The following UBE2V2 variants were observed in gnomAD, a reference collection of about 807,000 sequenced individuals.
UBE2V2 encodes the protein ubiquitin-conjugating enzyme E2 variant 2.
Under a neutral mutation model 17.2 loss-of-function variants are expected in UBE2V2, and 9 were observed. The ratio of observed to expected loss-of-function variants is 0.52; its 90% CI spans 0.32 to 0.91. The LOEUF (loss-of-function observed/expected upper bound fraction) is 0.91, where lower values mean the gene tolerates loss of function less well. UBE2V2 is among the 40% of genes least tolerant of loss of function. The pLI, the probability that UBE2V2 is intolerant of heterozygous loss-of-function variation, is 0.04. For synonymous variants in UBE2V2, 61 were observed against 57.5 expected (o/e 1.06, Z -0.28); for missense variants, 133 against 182.6 (o/e 0.73, Z 1.56).
At position 48,008,470 on chromosome 8, in the gene UBE2V2, G is replaced by C; in HGVS notation, c.16G>C (p.Gly6Arg). The C allele has an allele frequency of 1.3e-6, 2 of 1,568,634 alleles. No homozygotes were observed. Among genetic ancestry groups the C allele is most frequent in the Non-Finnish European group, 1.7e-6 (2 of 1,159,370 alleles). Reference sequence around the variant, plus strand: ...GCAGGAGAAGATGGCGGTCTCCACAGGTCGGTTCCCGGGCCGGGCTGCGTG... The same window carrying C: ...GCAGGAGAAGATGGCGGTCTCCACACGTCGGTTCCCGGGCCGGGCTGCGTG... The part of the protein sequence containing the change: MAVST[G>R]VKVPRNFRLL... Residue 6 changes from glycine to arginine, a missense_variant and splice_region_variant, in exon 1 of 4, where the codon GGA (glycine) becomes CGA (arginine). Coordinates refer to ENST00000523111, the MANE Select transcript of UBE2V2 (RefSeq NM_003350.3).
the UBE2V2 span, among the ~76,000 whole-genome samples, chr8:48,003,252 T>C: frequency 6.6e-6 from 1 of 150,808 alleles, no homozygotes; most frequent in Non-Finnish European, 1.5e-5. Context: ...AGTTCTCAGA[T>C]AACAGAATTG....
chr8:48,032,632 T>C (rs1273917993), intron 1 of UBE2V2, among the ~76,000 whole-genome samples: 7 of 152,086 alleles, frequency 4.6e-5, no homozygotes, highest in African/African-American at 7.2e-5. Flanking sequence ...GGTGCATGCC[T>C]GCAGTCCCAG....
intron 2 of UBE2V2, among the ~76,000 whole-genome samples, chr8:48,045,647 C>T (rs2091493828): frequency 6.6e-6 from 1 of 152,090 alleles, no homozygotes; most frequent in African/African-American, 2.4e-5. Flanking sequence ...ATGTCCTGAA[C>T]CTCATCAGAG....
chr8:48,031,330 A>C (rs1402487751), intron 1 of UBE2V2, among the ~76,000 whole-genome samples: 1 of 152,226 alleles, frequency 6.6e-6, no homozygotes, highest in Non-Finnish European at 1.5e-5. Context: ...TAAAACTACT[A>C]AAAGAATATT....
At position 48,026,726 on chromosome 8, in the gene UBE2V2, A is replaced by T. The variant is rs1280182838; in HGVS notation, c.17-16307A>T. On this transcript the variant is annotated intron_variant, in intron 1 of 3. Transcript: ENST00000523111. ...AGCGTAATGTTTTTAAGGGTCATCC[A>T]TGTTGTAGCATGTATCAGTATTTAC... Among the ~76,000 whole-genome samples, 3 of 152,158 alleles carry T rather than the reference A, an allele frequency of 2.0e-5. No individual in the cohort carries two copies. The South Asian group carries it at 6.2e-4, about 32-fold the overall frequency.
chr8:48,018,272 T>G (rs889978493), intron 1 of UBE2V2, among the ~76,000 whole-genome samples: 3 of 152,244 alleles, frequency 2.0e-5, no homozygotes, highest in Non-Finnish European at 4.4e-5. Flanking sequence ...AGAAGACATA[T>G]GATGTCAGTG....
chr8:48,031,432 A>G (rs142513106), intron 1 of UBE2V2, among the ~76,000 whole-genome samples: 8 of 152,268 alleles, frequency 5.3e-5, no homozygotes, highest in Middle Eastern at 3.4e-3. Flanking sequence ...TAGATTCTAA[A>G]TGAACTCTCC....
At chr8:48,037,792 A>G (rs925431503) in intron 1 of UBE2V2, among the ~76,000 whole-genome samples, 2 of 152,244 alleles carry the variant, frequency 1.3e-5, no homozygotes, top group African/African-American at 4.8e-5. Context: ...ACTTTGTCTC[A>G]GTTAACTGAG....
intron 1 of UBE2V2, among the ~76,000 whole-genome samples, chr8:48,011,492 T>C (rs2091231117): frequency 2.0e-5 from 3 of 152,210 alleles, no homozygotes; most frequent in Admixed American, 6.6e-5. Context: ...ACACGTGTTT[T>C]TTATTTAAGC....
chr8:48,047,745 A>G (rs1340863098), intron 2 of UBE2V2, among the ~76,000 whole-genome samples: 1 of 151,728 alleles, frequency 6.6e-6, no homozygotes. Flanking sequence ...ACGGGGTTTC[A>G]CCATGTTGGC....
chr8:48,019,106 C>T (rs1483810618), intron 1 of UBE2V2, among the ~76,000 whole-genome samples: 2 of 152,114 alleles, frequency 1.3e-5, no homozygotes, highest in Non-Finnish European at 2.9e-5. Context: ...GTGGCTCACA[C>T]CTGTAATCCC....
chr8:47,998,062 A>G, the UBE2V2 span, among the ~76,000 whole-genome samples: 24 of 152,118 alleles, frequency 1.6e-4, no homozygotes, highest in African/African-American at 5.1e-4. Context: ...GGAATCTCAG[A>G]CCACTTCCCA....
intron 1 of UBE2V2, among the ~76,000 whole-genome samples, chr8:48,040,104 G>T (rs1276367624): frequency 6.7e-6 from 1 of 150,232 alleles, no homozygotes; most frequent in African/African-American, 2.5e-5. Context: ...TAAGTAGTAC[G>T]AAGGATTCCC....
intron 1 of UBE2V2, among the ~76,000 whole-genome samples, chr8:48,026,891 C>T (rs908697545): frequency 6.6e-6 from 1 of 152,188 alleles, no homozygotes; most frequent in Non-Finnish European, 1.5e-5. Context: ...ACGTTCCACC[C>T]CCGCCCCGCT....
upstream of UBE2V2, among the ~76,000 whole-genome samples, chr8:48,007,020 A>C (rs2091187811): frequency 6.6e-6 from 1 of 151,482 alleles, no homozygotes; most frequent in South Asian, 2.1e-4. Context: ...AGCTGGGACT[A>C]CAGGGGCCTG....
intron 3 of UBE2V2, among the ~76,000 whole-genome samples, chr8:48,057,283 C>G (rs1466306431): frequency 6.6e-6 from 1 of 152,034 alleles, no homozygotes; most frequent in East Asian, 1.9e-4. Flanking sequence ...CTATATTTTA[C>G]AGTTTTTAAA....
intron 1 of UBE2V2, among the ~76,000 whole-genome samples, chr8:48,013,677 G>A (rs1016642271): frequency 3.9e-5 from 6 of 152,172 alleles, no homozygotes; most frequent in Admixed American, 3.9e-4. Context: ...GTCTCTGACT[G>A]TAGATGCCTG....
the UBE2V2 span, among the ~76,000 whole-genome samples, chr8:48,002,305 A>G: frequency 6.6e-6 from 1 of 152,226 alleles, no homozygotes; most frequent in Admixed American, 6.5e-5. Flanking sequence ...GGATGAATGG[A>G]TAAAGATAAT....
intron 2 of UBE2V2, among the ~76,000 whole-genome samples, chr8:48,045,424 G>T (rs1198960663): frequency 1.3e-5 from 2 of 152,094 alleles, no homozygotes; most frequent in East Asian, 1.9e-4. Flanking sequence ...ACCAGGGCCT[G>T]TTTGTTCACA....
Sources: allele counts gnomAD v4.1 joint callset (sites outside exome capture counted in the v4.1 genomes callset), GRCh38; gene constraint gnomAD v4.1.1; transcripts MANE v1.5; gene names NCBI Gene and HGNC (gene_info 2026-07-23, HGNC 2026-07-21).